The following TMEM243 variants were observed in gnomAD, a reference collection of about 807,000 sequenced individuals.
The protein encoded by TMEM243 is transmembrane protein 243.
A neutral mutation model predicts 15.0 loss-of-function variants in TMEM243; 20 were observed. The ratio of observed to expected loss-of-function variants is 1.33; its 90% CI spans 0.94 to 1.93. The LOEUF (loss-of-function observed/expected upper bound fraction) is 1.93. Among genes scored for constraint, TMEM243 ranks in the 30% most tolerant of loss-of-function variants. TMEM243 has a pLI of 0.00. For missense variants in TMEM243, 156 were observed against 142.1 expected (o/e 1.10, Z -0.50); for synonymous variants, 72 against 52.7 (o/e 1.37, Z -1.59).
intron 1 of TMEM243, chr7:87,216,938 C>T (rs1372789709): frequency 6.6e-6 from 1 of 152,242 alleles, no homozygotes; most frequent in African/African-American, 2.4e-5. Context: ...GAGGGTTCCA[C>T]TTCCTTAGTT....
intron 1 of TMEM243, chr7:87,199,608 A>G (rs1801632718): frequency 6.6e-6 from 1 of 152,150 alleles, no homozygotes; most frequent in South Asian, 2.1e-4. Context: ...TTTCCAAGTT[A>G]TTTAATAGTG....
chr7:87,196,670 C>CAT lies in TMEM243; in HGVS notation c.321_322dup (p.Cys108TyrfsTer29), dbSNP rs1207747423. 1 of 1,610,476 alleles carries CAT rather than the reference C, an allele frequency of 6.2e-7. No homozygotes were observed. Among genetic ancestry groups the CAT allele is most frequent in the South Asian group, 1.1e-5 (1 of 90,380 alleles). On this transcript the variant is annotated frameshift_variant, in exon 4 of 4. Coordinates refer to ENST00000257637, the MANE Select transcript of TMEM243 (RefSeq NM_024315.4). LOFTEE classifies it high-confidence loss of function. ...CACATCATGGAAGTACAGGTTTGCA[C>CAT]ATATACACAACATGATGATAGAAAA...
At chr7:87,197,721 T>TATCA (rs1801434995) in intron 3 of TMEM243, 1 of 550,926 alleles carries the variant, frequency 1.8e-6, no homozygotes, top group East Asian at 5.1e-5. Flanking sequence ...TTTTTTAAGC[T>TATCA]ATCAAGGGAG....
chr7:87,219,705 C>T lies in TMEM243; in HGVS notation c.-202G>A. On this transcript the variant is annotated 5_prime_UTR_variant, in exon 1 of 4. Coordinates refer to ENST00000257637, the MANE Select transcript of TMEM243 (RefSeq NM_024315.4). ...GCTCCGCCCCGGCCCCGCGCACCTC[C>T]TCATCTTGAGCAGCTGCCGCAGGAA... 1.7e-6 allele frequency: 1 copy of T among 589,050 alleles called. No individual in the cohort carries two copies. The highest frequency in any genetic ancestry group is 2.9e-5 in the East Asian group (1 of 34,938). 36.5% of individuals were successfully genotyped at this position (589,050 alleles called of 1,614,324 possible).
At chr7:87,212,369 A>C (rs1220347439) in intron 1 of TMEM243, among the ~76,000 whole-genome samples, 8 of 152,152 alleles carry the variant, frequency 5.3e-5, no homozygotes, top group Admixed American at 5.2e-4. Context: ...ATCCACCCAT[A>C]TGTCCCTTCA....
intron 1 of TMEM243, among the ~76,000 whole-genome samples, chr7:87,201,371 C>G (rs1273525524): frequency 6.6e-6 from 1 of 152,178 alleles, no homozygotes; most frequent in Non-Finnish European, 1.5e-5. Context: ...TCACTGAGAC[C>G]AACTGAATCA....
At chr7:87,199,863 A>G (rs914437034) in intron 1 of TMEM243, among the ~76,000 whole-genome samples, 1 of 152,334 alleles carries the variant, frequency 6.6e-6, no homozygotes, top group East Asian at 1.9e-4. Flanking sequence ...AAGTAGTTTC[A>G]GGTACTACTA....
At chr7:87,219,773 GC>G, upstream of TMEM243, 1 of 473,174 alleles carries the variant, frequency 2.1e-6, no homozygotes, top group Non-Finnish European at 3.8e-6. Flanking sequence ...TCAGCGGGAC[GC>G]CCCCGCCCGG....
intron 1 of TMEM243, among the ~76,000 whole-genome samples, chr7:87,209,215 T>G (rs1348899354): frequency 6.6e-6 from 1 of 152,084 alleles, no homozygotes; most frequent in Non-Finnish European, 1.5e-5. Context: ...TGAATAACAG[T>G]TCCACATGGC....
intron 1 of TMEM243, among the ~76,000 whole-genome samples, chr7:87,209,014 AC>A (rs576783784): frequency 1.5e-3 from 226 of 152,318 alleles, no homozygotes; most frequent in Middle Eastern, 6.8e-3. Context: ...TTCTATCCTC[AC>A]CTGGGCCTTC....
At chr7:87,209,671 C>CGAGACACAGT (rs1562884989) in intron 1 of TMEM243, among the ~76,000 whole-genome samples, 8 of 24,422 alleles carry the variant, frequency 3.3e-4, no homozygotes, top group South Asian at 1.7e-3. Context: ...CGAGAGAGAG[C>CGAGACACAGT]GAGAGCGAGA....
In TMEM243 at chr7:87,219,466, C is replaced by T. The variant is rs755441589; in HGVS notation, c.38G>A (p.Gly13Asp). ...CCCAAACAGAGGTCTGTTGTCCAGG[C>T]CACTGGTGCCGTAGGTCCTGGTAGC... ...DFATRTYGTS[G>D]LDNRPLFGET... is the part of the protein sequence containing the mutation. The change falls in exon 1 of 4, where the codon GGC (glycine) becomes GAC (aspartate). Residue 13 changes from glycine to aspartate, a missense_variant. Physicochemically the swap from Gly to Asp is moderately conservative, Grantham distance 94. Transcript: ENST00000257637. 7.4e-6 allele frequency: 12 copies of T among 1,614,250 alleles called. No individual in the cohort carries two copies. In the East Asian group the frequency reaches 1.1e-4, roughly 15 times the overall value.
chr7:87,197,517 C>G (rs1401205234), intron 3 of TMEM243, among the ~76,000 whole-genome samples: 4 of 151,882 alleles, frequency 2.6e-5, no homozygotes, highest in Non-Finnish European at 5.9e-5. Context: ...TTTTGGGAAA[C>G]AAACATGTAG....
chr7:87,219,679 T>G lies in TMEM243; in HGVS notation c.-176A>C, dbSNP rs914949477. 1.6e-5 allele frequency: 10 copies of G among 611,342 alleles called. No individual in the cohort carries two copies. The highest frequency in any genetic ancestry group is 2.3e-5 in the Non-Finnish European group (8 of 344,796). The allele number at this position is 611,342 out of a possible 1,614,324, so 37.9% of individuals were successfully genotyped here. A position where few individuals can be genotyped will look rare whatever the true frequency, so the allele number is the denominator to read the frequency against. Reference sequence around the variant, plus strand: ...GGGGCTCACACGCGGGGAACGCGACTGCTCCGCCCCGGCCCCGCGCACCTC... The same window carrying G: ...GGGGCTCACACGCGGGGAACGCGACGGCTCCGCCCCGGCCCCGCGCACCTC... On this transcript the variant is annotated 5_prime_UTR_variant, in exon 1 of 4. Coordinates refer to ENST00000257637, the MANE Select transcript of TMEM243 (RefSeq NM_024315.4).
At chr7:87,213,687 A>G (rs775992094) in intron 1 of TMEM243, among the ~76,000 whole-genome samples, 37 of 152,244 alleles carry the variant, frequency 2.4e-4, no homozygotes, top group Admixed American at 3.3e-4. Flanking sequence ...CTAATCTTAC[A>G]TGATTATTTG....
At chr7:87,208,859 TA>T (rs1802410842) in intron 1 of TMEM243, among the ~76,000 whole-genome samples, 1 of 152,222 alleles carries the variant, frequency 6.6e-6, no homozygotes, top group South Asian at 2.1e-4. Context: ...AGGGTGTAAA[TA>T]CTCTAACGAT....
chr7:87,214,274 A>C (rs1802955835), intron 1 of TMEM243, among the ~76,000 whole-genome samples: 1 of 152,234 alleles, frequency 6.6e-6, no homozygotes, highest in Non-Finnish European at 1.5e-5. Flanking sequence ...CCCTGAGAAT[A>C]ATTTAGTGCT....
intron 1 of TMEM243, among the ~76,000 whole-genome samples, chr7:87,206,491 C>T (rs963978078): frequency 6.6e-6 from 1 of 152,172 alleles, no homozygotes; most frequent in Non-Finnish European, 1.5e-5. Flanking sequence ...CCAGTGGATG[C>T]CTGAAACCAC....
rs71906317 is a variant in TMEM243 at position 87,197,688 on chromosome 7, ATTTTT to A, written c.234+248_234+252del. 1.9e-5 allele frequency: 19 copies of A among 982,066 alleles called. No homozygotes were observed. The East Asian group carries it at 3.3e-4, about 17-fold the overall frequency. 60.8% of individuals were successfully genotyped at this position (982,066 alleles called of 1,614,324 possible). A position where few individuals can be genotyped will look rare whatever the true frequency, so the allele number is the denominator to read the frequency against. ...TTTGGCCACCTACGTCTTTCCACTA[ATTTTT>A]TTTTTTTTTTTTTTTTTTTTTTTAA... On this transcript the variant is annotated intron_variant, in intron 3 of 3. Transcript: ENST00000257637.
Sources: allele counts gnomAD v4.1 joint callset (sites outside exome capture counted in the v4.1 genomes callset), GRCh38; gene constraint gnomAD v4.1.1; transcripts MANE v1.5; gene names NCBI Gene and HGNC (gene_info 2026-07-23, HGNC 2026-07-21).